ARHGAP5: variants seen among roughly 807,000 people sequenced by gnomAD.
ARHGAP5 encodes Rho GTPase activating protein 5.
A neutral mutation model predicts 116.6 loss-of-function variants in ARHGAP5; 23 were observed. The ratio of observed to expected loss-of-function variants is 0.20; its 90% confidence interval spans 0.14 to 0.28. The LOEUF (loss-of-function observed/expected upper bound fraction) is 0.28, where lower values mean the gene tolerates loss of function less well. Among genes scored for constraint, ARHGAP5 ranks in the 10% least tolerant of loss-of-function variants. The probability of loss-of-function intolerance (pLI) is 1.00; values close to 1 mark genes in which losing one functional copy is unlikely to be tolerated. For missense variants in ARHGAP5, 1,405 were observed against 1,774.8 expected, an observed-to-expected ratio of 0.79 and a Z score of 3.74; for synonymous variants, 574 against 602.0, an observed-to-expected ratio of 0.95 and a Z score of 0.68.
chr14:32,134,739 T>C (rs1221947837), intron 3 of ARHGAP5, among the ~76,000 whole-genome samples: 1 of 152,252 alleles, frequency 6.6e-6, no homozygotes, highest in Non-Finnish European at 1.5e-5. Context: ...TCACAATGTC[T>C]CATCATAGTA....
In ARHGAP5 at chr14:32,118,372, C is replaced by T. The variant is rs967180653; in HGVS notation, c.3865+1085C>T. 2.0e-5 allele frequency among the ~76,000 whole-genome samples: 3 copies of T among 152,150 alleles called. No homozygotes were observed. In the South Asian group the frequency reaches 6.2e-4, roughly 32 times the overall value. On this transcript the variant is annotated intron_variant, in intron 3 of 6. Transcript: ENST00000345122. Reference sequence around the variant, plus strand: ...ATTATCTGGGCATTGTGGTTTGTGCCTGTAGTCCCAGCTACTTGGGAGGCT... The same window carrying T: ...ATTATCTGGGCATTGTGGTTTGTGCTTGTAGTCCCAGCTACTTGGGAGGCT...
At chr14:32,138,544 A>G (rs930563843) in intron 3 of ARHGAP5, among the ~76,000 whole-genome samples, 1 of 152,120 alleles carries the variant, frequency 6.6e-6, no homozygotes, top group Non-Finnish European at 1.5e-5. Flanking sequence ...TCAGCCTCCC[A>G]AAGTGCTGGG....
chr14:32,110,043 T>C (rs1879209096), intron 2 of ARHGAP5, among the ~76,000 whole-genome samples: 1 of 152,202 alleles, frequency 6.6e-6, no homozygotes, highest in South Asian at 2.1e-4. Flanking sequence ...TAAGGTCGTT[T>C]AATCTACAAA....
At position 32,157,220 on chromosome 14, in the gene ARHGAP5, C is replaced by G. The variant is rs1881929824; in HGVS notation, c.*2272C>G. 1 of 151,130 alleles carries G rather than the reference C, an allele frequency of 6.6e-6. No homozygotes were observed. Among genetic ancestry groups the G allele is most frequent in the South Asian group, 2.1e-4 (1 of 4,806 alleles). The allele number at this position is 151,130 out of a possible 1,614,324, so 9.4% of individuals were successfully genotyped here. ...ATTAAAGTACAGTTTAAAGCTCAGT[C>G]TGTTACACTGAATTGATTGTGTTTG... is the stretch of plus-strand genomic sequence containing the variant. On this transcript the variant is annotated 3_prime_UTR_variant, in exon 7 of 7. Transcript: ENST00000345122.
intron 2 of ARHGAP5, among the ~76,000 whole-genome samples, chr14:32,109,663 A>G (rs1324003095): frequency 6.6e-6 from 1 of 152,030 alleles, no homozygotes; most frequent in African/African-American, 2.4e-5. Flanking sequence ...AGTTTTTTTT[A>G]GTTGATTTTG....
rs994056606 is a variant in ARHGAP5, at chr14:32,120,952, A to G, written c.3865+3665A>G. 4.1e-5 allele frequency among the ~76,000 whole-genome samples: 6 copies of G among 148,130 alleles called. No homozygotes were observed. In the East Asian group the frequency reaches 8.0e-4, roughly 20 times the overall value. On this transcript the variant is annotated intron_variant, in intron 3 of 6. Transcript: ENST00000345122. ...ATTGTGTGTTTCTCCTTTCAGTTCT[A>G]TTAGATTTTACATCATGTATTTTGA...
At chr14:32,131,669 G>A (rs1880504928) in intron 3 of ARHGAP5, among the ~76,000 whole-genome samples, 1 of 152,044 alleles carries the variant, frequency 6.6e-6, no homozygotes, top group Non-Finnish European at 1.5e-5. Flanking sequence ...GTGCCATGTT[G>A]GTGTGCTGCA....
chr14:32,088,332 C>T (rs2041851328), intron 1 of ARHGAP5, among the ~76,000 whole-genome samples: 1 of 151,734 alleles, frequency 6.6e-6, no homozygotes, highest in African/African-American at 2.4e-5. Flanking sequence ...TTTTGATGTA[C>T]ATTTTAAAGT....
At chr14:32,125,791 T>C (rs1317980932) in intron 3 of ARHGAP5, among the ~76,000 whole-genome samples, 1 of 152,228 alleles carries the variant, frequency 6.6e-6, no homozygotes, top group African/African-American at 2.4e-5. Flanking sequence ...TTTATTTGTC[T>C]TTAATTTCTT....
At chr14:32,145,023 A>G (rs752708848) in intron 3 of ARHGAP5, among the ~76,000 whole-genome samples, 3 of 152,180 alleles carry the variant, frequency 2.0e-5, no homozygotes, top group Non-Finnish European at 4.4e-5. Flanking sequence ...TATCTCATAG[A>G]CACTTTGGAT....
chr14:32,117,031 A>T (rs1234438699), intron 2 of ARHGAP5, 109 bp from the exon 3 acceptor site: 19 of 754,492 alleles, frequency 2.5e-5, no homozygotes, highest in Non-Finnish European at 3.5e-5. Flanking sequence ...TTTAGGTTGG[A>T]TGTGGCTATA....
chr14:32,098,738 G>A (rs543412591), intron 2 of ARHGAP5, among the ~76,000 whole-genome samples: 8 of 152,206 alleles, frequency 5.3e-5, no homozygotes, highest in Non-Finnish European at 1.2e-4. Flanking sequence ...TTCAAAAAAG[G>A]CAGCAGGCTG....
intron 3 of ARHGAP5, among the ~76,000 whole-genome samples, chr14:32,130,004 A>G (rs74041588): frequency 0.011 from 1,666 of 152,136 alleles, 26 homozygotes; most frequent in African/African-American, 0.038. Context: ...TTGAGGTTGC[A>G]GTGAGCCATG....
Position 32,090,642 on chromosome 14 carries a change from A to T in ARHGAP5, c.-28A>T, listed in dbSNP as rs758617626. 2.0e-6 allele frequency: 3 copies of T among 1,528,224 alleles called. No homozygotes were observed. The highest frequency in any genetic ancestry group is 2.6e-6 in the Non-Finnish European group (3 of 1,135,946). The allele number at this position is 1,528,224 out of a possible 1,614,324, so 94.7% of individuals were successfully genotyped here. On this transcript the variant is annotated 5_prime_UTR_variant, in exon 2 of 7. It removes an upstream start codon present in the reference 5' UTR. Coordinates refer to ENST00000345122, the MANE Select transcript of ARHGAP5 (RefSeq NM_001030055.2). Reference sequence around the variant, plus strand: ...ATGAGAAGCATATCTGGTTACCTTTATGAATGTAGAGACATGAGAAGAGAG... The same window carrying T: ...ATGAGAAGCATATCTGGTTACCTTTTTGAATGTAGAGACATGAGAAGAGAG...
chr14:32,134,275 A>AG (rs1446583937), intron 3 of ARHGAP5, among the ~76,000 whole-genome samples: 1 of 152,222 alleles, frequency 6.6e-6, no homozygotes. Context: ...TTGACTAGAA[A>AG]GTAGTGACAC....
intron 6 of ARHGAP5, among the ~76,000 whole-genome samples, chr14:32,153,347 C>T (rs562497785): frequency 9.3e-6 from 1 of 108,026 alleles, no homozygotes; most frequent in Admixed American, 1.4e-4. Flanking sequence ...GCGGAGGTTG[C>T]AATGAGCTGA....
Position 32,110,583 on chromosome 14 carries a change from AAATTAGGTCAAAATGT to A in ARHGAP5, c.3718-6554_3718-6539del, listed in dbSNP as rs376873937. 2.1e-3 allele frequency among the ~76,000 whole-genome samples: 321 copies of A among 152,284 alleles called. 1 individual carries two copies. Among genetic ancestry groups the A allele is most frequent in the African/African-American group, 7.4e-3 (306 of 41,550 alleles). ...TTGAGGAAGGCGTAAATGATGAGGG[AAATTAGGTCAAAATGT>A]AAAGGAGCGGAGTCCAAGGCATGCA... On this transcript the variant is annotated intron_variant, in intron 2 of 6. Transcript: ENST00000345122.
rs577645712 is a variant in ARHGAP5 at position 32,087,619 on chromosome 14, T to C, written c.-168-2883T>C. ...TCCCACATCTAGGTGGAAGAATTTT[T>C]CTGTCACAGTTTGAAAATCACTATA... is the stretch of plus-strand genomic sequence containing the variant. On this transcript the variant is annotated intron_variant, in intron 1 of 6. Coordinates refer to ENST00000345122, the MANE Select transcript of ARHGAP5 (RefSeq NM_001030055.2). Among the ~76,000 whole-genome samples, 8 of 152,018 alleles carry C rather than the reference T, an allele frequency of 5.3e-5. No homozygotes were observed. In the East Asian group the frequency reaches 1.5e-3, roughly 29 times the overall value.
chr14:32,119,929 GTTTTC>G (rs747877812), intron 3 of ARHGAP5, among the ~76,000 whole-genome samples: 5 of 152,006 alleles, frequency 3.3e-5, no homozygotes, highest in African/African-American at 4.8e-5. Flanking sequence ...TTAGTCTGTA[GTTTTC>G]TTTTCTTGCA....
Sources: allele counts gnomAD v4.1 joint callset (sites outside exome capture counted in the v4.1 genomes callset), GRCh38; gene constraint gnomAD v4.1.1; transcripts MANE v1.5; gene names NCBI Gene and HGNC (gene_info 2026-07-23, HGNC 2026-07-21).